SRGAP2: variants seen among roughly 807,000 people sequenced by gnomAD.
SRGAP2 encodes the protein SLIT-ROBO Rho GTPase activating protein 2.
Under a neutral mutation model 57.2 loss-of-function variants are expected in SRGAP2, and 15 were observed. That is an observed-to-expected ratio of 0.26 (90% CI 0.18 to 0.40). SRGAP2 has a LOEUF of 0.40. SRGAP2 is among the 10% of genes least tolerant of loss of function. SRGAP2 has a pLI of 1.00. For missense variants in SRGAP2, 520 were observed against 669.6 expected, an observed-to-expected ratio of 0.78 and a Z score of 2.47; for synonymous variants, 249 against 248.0, an observed-to-expected ratio of 1.00 and a Z score of -0.04.
rs1250691665 is a variant in SRGAP2 at position 206,306,789 on chromosome 1, G to A, written c.260+3316G>A. ...CCAGAGCAGCTAGATACAGAGTGTC[G>A]ATTGGTGCATTCACAAACCTTGAGT... On this transcript the variant is annotated intron_variant, in intron 3 of 22. Coordinates refer to ENST00000573034, the MANE Select transcript of SRGAP2 (RefSeq NM_015326.5). Among the ~76,000 whole-genome samples the A allele has an allele frequency of 3.9e-5, 6 of 152,312 alleles. No homozygotes were observed. The South Asian group carries it at 6.2e-4, about 16-fold the overall frequency.
chr1:206,446,184 G>C lies in SRGAP2; in HGVS notation c.1984G>C (p.Ala662Pro), dbSNP rs1553373685. 1.3e-6 allele frequency: 1 copy of C among 780,946 alleles called. No individual in the cohort carries two copies. Among genetic ancestry groups the C allele is most frequent in the Admixed American group, 1.7e-5 (1 of 59,048 alleles). The allele number at this position is 780,946 out of a possible 1,614,324, so 48.4% of individuals were successfully genotyped here. The change falls in exon 18 of 23, where the codon GCC becomes CCC. Residue 662 changes from alanine to proline, a missense_variant. By Grantham distance (27) the Ala-to-Pro change is conservative. Transcript: ENST00000573034. ...GGGCCACGACCAGGTGTCCTGCCAA[G>C]CCCACGTGAATGAGCTGATCAAAAC... ...PEGHDQVSCQAHVNELIKTII... is the reference protein window; with the variant it reads ...PEGHDQVSCQPHVNELIKTII...
At chr1:206,446,759 C>G (rs1484335447) in intron 18 of SRGAP2, among the ~76,000 whole-genome samples, 2 of 152,166 alleles carry the variant, frequency 1.3e-5, no homozygotes, top group Non-Finnish European at 2.9e-5. Flanking sequence ...TAAGCTGGCA[C>G]TTCAGAATGA....
intron 5 of SRGAP2, among the ~76,000 whole-genome samples, chr1:206,391,027 G>C (rs544873613): frequency 6.6e-6 from 1 of 152,060 alleles, no homozygotes; most frequent in Non-Finnish European, 1.5e-5. Context: ...TTTTCTCAGC[G>C]TCAGCACCAT....
intron 4 of SRGAP2, among the ~76,000 whole-genome samples, chr1:206,355,717 A>G (rs1676378535): frequency 6.6e-6 from 1 of 152,224 alleles, no homozygotes; most frequent in Non-Finnish European, 1.5e-5. Flanking sequence ...CTGTAACCCC[A>G]GCACTTTGGG....
In SRGAP2 at chr1:206,415,048, G is replaced by A. The variant is rs113522101; in HGVS notation, c.1357-841G>A. Among the ~76,000 whole-genome samples the A allele has an allele frequency of 3.1e-3, 478 of 152,274 alleles. 2 individuals carry two copies. Among genetic ancestry groups the A allele is most frequent in the African/African-American group, 0.011 (463 of 41,540 alleles). On this transcript the variant is annotated intron_variant, in intron 10 of 22. Coordinates refer to ENST00000573034, the MANE Select transcript of SRGAP2 (RefSeq NM_015326.5). ...CCACTCACTAACTGTTTGACCTTGA[G>A]CAACTTAATTAAACTCTCGAAACCT...
At chr1:206,420,387 G>C (rs949213450) in intron 12 of SRGAP2, among the ~76,000 whole-genome samples, 1 of 152,156 alleles carries the variant, frequency 6.6e-6, no homozygotes, top group African/African-American at 2.4e-5. Context: ...GTTCACCTGA[G>C]CTCCTGAGTC....
intron 12 of SRGAP2, among the ~76,000 whole-genome samples, chr1:206,420,132 C>T (rs1660168230): frequency 6.6e-6 from 1 of 152,174 alleles, no homozygotes. Flanking sequence ...ATGGGTTGGA[C>T]TCCTTAGAGA....
chr1:206,456,450 A>G (rs1367321574), intron 21 of SRGAP2, among the ~76,000 whole-genome samples: 1 of 152,184 alleles, frequency 6.6e-6, no homozygotes, highest in Non-Finnish European at 1.5e-5. Context: ...TTGTAACCCT[A>G]CAATCAAAAG....
intron 20 of SRGAP2, chr1:206,453,840 G>T: frequency 3.0e-6 from 1 of 334,870 alleles, no homozygotes; most frequent in East Asian, 4.9e-5. Context: ...GGTTTTCTAG[G>T]AGAAATCCGG....
chr1:206,256,532 G>A (rs1669193820), intron 2 of SRGAP2, among the ~76,000 whole-genome samples: 1 of 148,198 alleles, frequency 6.7e-6, no homozygotes, highest in Non-Finnish European at 1.5e-5. Flanking sequence ...GGTTTTCTTT[G>A]CTAATAGATG....
intron 11 of SRGAP2, among the ~76,000 whole-genome samples, chr1:206,416,485 CT>C (rs565440377): frequency 5.3e-5 from 8 of 152,206 alleles, no homozygotes; most frequent in Non-Finnish European, 1.2e-4. Context: ...GCTCCTAATG[CT>C]GTTTAAGTGG....
intron 10 of SRGAP2, among the ~76,000 whole-genome samples, chr1:206,415,023 C>A (rs1659564293): frequency 6.6e-6 from 1 of 152,230 alleles, no homozygotes; most frequent in Non-Finnish European, 1.5e-5. Context: ...ACTAACTTTA[C>A]CACTCACTAA....
chr1:206,446,434 G>A, intron 18 of SRGAP2, 135 bp downstream of exon 18: 1 of 659,596 alleles, frequency 1.5e-6, no homozygotes, highest in Non-Finnish European at 2.7e-6. Flanking sequence ...CTAGGGTCTG[G>A]GGATGCTATA....
At chr1:206,206,352 T>G (rs1665915427) in intron 2 of SRGAP2, 1 of 273,576 alleles carries the variant, frequency 3.7e-6, no homozygotes, top group South Asian at 7.3e-5. Context: ...AAAGGCAGTT[T>G]GCCTCCGGTT....
chr1:206,459,713 C>T (rs1309623904), intron 22 of SRGAP2, among the ~76,000 whole-genome samples: 1 of 152,210 alleles, frequency 6.6e-6, no homozygotes, highest in Non-Finnish European at 1.5e-5. Flanking sequence ...GCCTTCTTAT[C>T]TCAACTGAGT....
At chr1:206,286,204 G>T (rs1199884720) in intron 2 of SRGAP2, among the ~76,000 whole-genome samples, 1 of 149,192 alleles carries the variant, frequency 6.7e-6, no homozygotes, top group African/African-American at 2.5e-5. Flanking sequence ...AAAATTCCCC[G>T]TGGGCATTAC....
At chr1:206,347,571 C>T (rs555814153) in intron 4 of SRGAP2, among the ~76,000 whole-genome samples, 9 of 150,210 alleles carry the variant, frequency 6.0e-5, no homozygotes, top group Admixed American at 2.6e-4. Context: ...AGCAAGACTT[C>T]GTCTCAGAAA....
chr1:206,230,906 G>A lies in SRGAP2; in HGVS notation c.67+24869G>A, dbSNP rs534376892. Among the ~76,000 whole-genome samples, 547 of 144,168 alleles carry A rather than the reference G, an allele frequency of 3.8e-3. 5 individuals carry two copies. Among genetic ancestry groups the A allele is most frequent in the African/African-American group, 0.015 (512 of 34,542 alleles). The allele number at this position is 144,168 out of a possible 152,430, so 94.6% of individuals were successfully genotyped here. A position where few individuals can be genotyped will look rare whatever the true frequency, so the allele number is the denominator to read the frequency against. Reference sequence around the variant, plus strand: ...CTCTCAGAGTGCTGGGATTACAGGCGTGAGCCACCATACCCAGCCCAGAAT... The same window carrying A: ...CTCTCAGAGTGCTGGGATTACAGGCATGAGCCACCATACCCAGCCCAGAAT... On this transcript the variant is annotated intron_variant, in intron 2 of 22. Transcript: ENST00000573034.
chr1:206,244,783 C>G (rs1668442271), intron 2 of SRGAP2, among the ~76,000 whole-genome samples: 1 of 152,070 alleles, frequency 6.6e-6, no homozygotes, highest in South Asian at 2.1e-4. Flanking sequence ...GAGGTTATAG[C>G]CAGGGCGCCC....
Sources: allele counts gnomAD v4.1 joint callset (sites outside exome capture counted in the v4.1 genomes callset), GRCh38; gene constraint gnomAD v4.1.1; transcripts MANE v1.5; gene names NCBI Gene and HGNC (gene_info 2026-07-23, HGNC 2026-07-21).